RNASEH1: variants seen among roughly 807,000 people sequenced by gnomAD.
RNASEH1 encodes the protein ribonuclease H type II.
RNASEH1 carries 27 observed loss-of-function variants against 34.6 expected under a neutral mutation model. The observed-to-expected ratio is 0.78, with a 90% CI of 0.58 to 1.08. The LOEUF (loss-of-function observed/expected upper bound fraction) is 1.08. Ranked by LOEUF, RNASEH1 falls within the 50% of genes least tolerant of loss-of-function variation. RNASEH1 has a pLI of 0.00. For synonymous variants in RNASEH1, 162 were observed against 138.4 expected (o/e 1.17, Z -1.20); for missense variants, 349 against 373.6 (o/e 0.93, Z 0.54).
chr2:3,551,837 T>G (rs1012882258), intron 3 of RNASEH1, among the ~76,000 whole-genome samples: 2 of 152,234 alleles, frequency 1.3e-5, no homozygotes, highest in African/African-American at 4.8e-5. Flanking sequence ...TGAGGTGTTA[T>G]TTGAAAAAGC....
the RNASEH1 span, among the ~76,000 whole-genome samples, chr2:3,535,193 G>A: frequency 1.1e-4 from 16 of 151,994 alleles, no homozygotes; most frequent in South Asian, 2.1e-4. Flanking sequence ...TGAGGCAGGC[G>A]GTTCACCTGA....
intron 3 of RNASEH1, among the ~76,000 whole-genome samples, chr2:3,551,340 T>C (rs1010958861): frequency 2.0e-5 from 3 of 152,196 alleles, no homozygotes; most frequent in African/African-American, 7.2e-5. Context: ...CACTGAACTG[T>C]CTCAGGAGCC....
rs1668933992 is a variant in RNASEH1 at position 3,548,141 on chromosome 2, C to T, written c.650-86G>A. On this transcript the variant is annotated intron_variant, in intron 6 of 7. Coordinates refer to ENST00000315212, the MANE Select transcript of RNASEH1 (RefSeq NM_002936.6). ...TAGTCTTACCTCTTATAATTGATCC[C>T]ACTTGTATTCTGAGTCACCATCCTT... 4 of 1,489,722 alleles carry T rather than the reference C, an allele frequency of 2.7e-6. No individual in the cohort carries two copies. In the African/African-American group the frequency reaches 5.5e-5, roughly 20 times the overall value. 92.3% of individuals were successfully genotyped at this position (1,489,722 alleles called of 1,614,324 possible). A position where few individuals can be genotyped will look rare whatever the true frequency, so the allele number is the denominator to read the frequency against.
the RNASEH1 span, among the ~76,000 whole-genome samples, chr2:3,535,962 C>T: frequency 1.3e-5 from 2 of 152,186 alleles, no homozygotes; most frequent in South Asian, 4.1e-4. Flanking sequence ...GGGGTCCAGG[C>T]GTGAGCACTG....
chr2:3,558,284 C>A lies in RNASEH1; in HGVS notation c.-24G>T. On this transcript the variant is annotated 5_prime_UTR_variant, in exon 1 of 8. The change abolishes an upstream ATG in the 5' untranslated region. Coordinates refer to ENST00000315212, the MANE Select transcript of RNASEH1 (RefSeq NM_002936.6). ...ATCGCTCACTCCCGGCACCGGGAAG[C>A]ATTTCGACTCCCGGCCCAGCGTGGG... The A allele has an allele frequency of 6.5e-7, 1 of 1,532,300 alleles. No homozygotes were observed. Among genetic ancestry groups the A allele is most frequent in the Non-Finnish European group, 8.7e-7 (1 of 1,143,994 alleles). The allele number at this position is 1,532,300 out of a possible 1,614,324, so 94.9% of individuals were successfully genotyped here.
chr2:3,541,885 G>A lies in RNASEH1; in HGVS notation c.*3900C>T, dbSNP rs546178325. On this transcript the variant is annotated 3_prime_UTR_variant, in exon 8 of 8. Coordinates refer to ENST00000315212, the MANE Select transcript of RNASEH1 (RefSeq NM_002936.6). ...AAGCAAGGTGGGGCCGGCTTTGGTG[G>A]CTCACACCTGTAATCCCAGCACTTT... Among the ~76,000 whole-genome samples the A allele has an allele frequency of 2.0e-5, 3 of 152,204 alleles. No homozygotes were observed. The highest frequency in any genetic ancestry group is 2.9e-5 in the Non-Finnish European group (2 of 68,038).
chr2:3,540,485 T>C (rs888458749), downstream of RNASEH1, among the ~76,000 whole-genome samples: 28 of 152,244 alleles, frequency 1.8e-4, no homozygotes, highest in Admixed American at 6.5e-4. Flanking sequence ...CTTGGCTCAC[T>C]GCAACCTCTG....
rs1668308401 is a variant in RNASEH1 at position 3,541,550 on chromosome 2, A to G, written c.*4235T>C. 6.6e-6 allele frequency among the ~76,000 whole-genome samples: 1 copy of G among 152,230 alleles called. No homozygotes were observed. The highest frequency in any genetic ancestry group is 2.1e-4 in the South Asian group (1 of 4,834). ...ATCCATGCAATACAAAATGTGGATT[A>G]TTGATGTACACAAAATGGGTGAATG... On this transcript the variant is annotated 3_prime_UTR_variant, in exon 8 of 8. Coordinates refer to ENST00000315212, the MANE Select transcript of RNASEH1 (RefSeq NM_002936.6).
downstream of RNASEH1, among the ~76,000 whole-genome samples, chr2:3,537,704 G>A (rs1432495532): frequency 3.3e-5 from 5 of 151,458 alleles, no homozygotes; most frequent in Admixed American, 2.6e-4. Flanking sequence ...CTAGGTGACA[G>A]AGCAAGACCG....
intron 1 of RNASEH1, chr2:3,557,778 G>A (rs1285557896): frequency 3.3e-6 from 3 of 917,068 alleles, no homozygotes; most frequent in Non-Finnish European, 4.8e-6. Flanking sequence ...CAATTTAGCT[G>A]GTACGGAAAG....
In RNASEH1 at chr2:3,552,285, C is replaced by G. The variant is rs2147746316; in HGVS notation, c.268G>C (p.Glu90Gln). 2 of 1,613,654 alleles carry G rather than the reference C, an allele frequency of 1.2e-6. No homozygotes were observed. The highest frequency in any genetic ancestry group is 1.7e-6 in the Non-Finnish European group (2 of 1,179,862). Residue 90 changes from glutamate (E) to glutamine (Q), a missense_variant, in exon 3 of 8, where the codon GAA (glutamate) becomes CAA (glutamine). Physicochemically the swap from Glu to Gln is conservative, Grantham distance 29. Coordinates refer to ENST00000315212, the MANE Select transcript of RNASEH1 (RefSeq NM_002936.6). ...CGCTTGCTGGCTTTCGCCTCCGATTCTTGTCCATGTTGATTTTCATGCCCT... is the reference window on the plus strand; with the variant it reads ...CGCTTGCTGGCTTTCGCCTCCGATTGTTGTCCATGTTGATTTTCATGCCCT... Reference protein sequence around the residue: ...SEGHENQHGQESEAKASKRLR... With the variant: ...SEGHENQHGQQSEAKASKRLR...
Position 3,552,274 on chromosome 2 carries a change from C to A in RNASEH1, c.279G>T (p.Ala93=). Residue 93 remains alanine, a synonymous_variant, in exon 3 of 8, where the codon GCG becomes GCT. Coordinates refer to ENST00000315212, the MANE Select transcript of RNASEH1 (RefSeq NM_002936.6). Reference sequence around the variant, plus strand: ...GCTCACGGAGTCGCTTGCTGGCTTTCGCCTCCGATTCTTGTCCATGTTGAT... The same window carrying A: ...GCTCACGGAGTCGCTTGCTGGCTTTAGCCTCCGATTCTTGTCCATGTTGAT... The part of the protein sequence containing the change: ...HENQHGQESE[A]KASKRLREPL... The A allele has an allele frequency of 6.2e-7, 1 of 1,612,884 alleles. No homozygotes were observed. The highest frequency in any genetic ancestry group is 1.1e-5 in the South Asian group (1 of 91,068).
chr2:3,547,996 C>G lies in RNASEH1; in HGVS notation c.709G>C (p.Glu237Gln). The change falls in exon 7 of 8, where the codon GAG (glutamate) becomes CAG (glutamine). Residue 237 changes from glutamate (E) to glutamine (Q), a missense_variant. Physicochemically the swap from Glu to Gln is conservative, Grantham distance 29 (BLOSUM62 2). Transcript: ENST00000315212. ...ACAAAGTCCTCTTTGTTGATCACCTCTTTCCCTGCACTTGTCTTCCACCCA... is the reference window on the plus strand; with the variant it reads ...ACAAAGTCCTCTTTGTTGATCACCTGTTTCCCTGCACTTGTCTTCCACCCA... ...KNGWKTSAGKEVINKEDFVAL... is the reference protein window; with the variant it reads ...KNGWKTSAGKQVINKEDFVAL... 5 of 1,613,862 alleles carry G rather than the reference C, an allele frequency of 3.1e-6. No homozygotes were observed. The highest frequency in any genetic ancestry group is 4.2e-6 in the Non-Finnish European group (5 of 1,179,742).
intron 1 of RNASEH1, 131 bp from the exon 2 acceptor site, chr2:3,557,035 C>G: frequency 3.0e-6 from 2 of 660,218 alleles, no homozygotes; most frequent in Non-Finnish European, 5.4e-6. Context: ...AAGTCCTCCA[C>G]CCCATCACAG....
downstream of RNASEH1, among the ~76,000 whole-genome samples, chr2:3,537,111 A>C (rs1668027381): frequency 6.6e-6 from 1 of 152,196 alleles, no homozygotes; most frequent in African/African-American, 2.4e-5. Context: ...GATCCCCATC[A>C]ATTTTCTTCT....
At chr2:3,557,890 CT>C in intron 1 of RNASEH1, 1 of 1,501,658 alleles carries the variant, frequency 6.7e-7, no homozygotes. Context: ...TAGGCCACCC[CT>C]AACCTTTACG....
chr2:3,538,818 G>A (rs146536577), downstream of RNASEH1, among the ~76,000 whole-genome samples: 566 of 152,358 alleles, frequency 3.7e-3, 9 homozygotes, highest in African/African-American at 0.013. Flanking sequence ...TCTGTCTGGT[G>A]TTGAGTGGTG....
intron 7 of RNASEH1, among the ~76,000 whole-genome samples, chr2:3,547,372 C>G (rs1343072060): frequency 6.6e-6 from 1 of 152,058 alleles, no homozygotes; most frequent in Non-Finnish European, 1.5e-5. Context: ...AACAGAGTCT[C>G]CCCATGTTAT....
Position 3,556,868 on chromosome 2 carries a change from A to T in RNASEH1, c.165T>A (p.Ala55=). The change falls in exon 2 of 8, where the codon GCT becomes GCA. Residue 55 remains alanine (A), a synonymous_variant. Transcript: ENST00000315212. ...CTGTGGCAAACTTCTTAAATCTGGCAGCAGGAAACCGGTCCACCTGTGCTC... is the reference window on the plus strand; with the variant it reads ...CTGTGGCAAACTTCTTAAATCTGGCTGCAGGAAACCGGTCCACCTGTGCTC... The part of the protein sequence containing the change: ...ECRAQVDRFP[A]ARFKKFATED... The T allele has an allele frequency of 6.2e-7, 1 of 1,614,146 alleles. No homozygotes were observed. The highest frequency in any genetic ancestry group is 1.1e-5 in the South Asian group (1 of 91,086).
Sources: allele counts gnomAD v4.1 joint callset (sites outside exome capture counted in the v4.1 genomes callset), GRCh38; gene constraint gnomAD v4.1.1; transcripts MANE v1.5; gene names NCBI Gene and HGNC (gene_info 2026-07-23, HGNC 2026-07-21).